The following YEATS2 variants were observed in gnomAD, a reference collection of about 807,000 sequenced individuals.
YEATS2 encodes the protein YEATS domain-containing protein 2.
A neutral mutation model predicts 163.2 loss-of-function variants in YEATS2; 77 were observed. That is an observed-to-expected ratio of 0.47 (90% CI 0.39 to 0.57). YEATS2 has a LOEUF of 0.57. Among genes scored for constraint, YEATS2 ranks in the 20% least tolerant of loss-of-function variants. YEATS2 has a pLI of 0.00. For missense variants in YEATS2, 1,549 were observed against 1,729.8 expected, an observed-to-expected ratio of 0.90 and a Z score of 1.85; for synonymous variants, 631 against 645.1, an observed-to-expected ratio of 0.98 and a Z score of 0.33.
chr3:183,724,309 T>C (rs183036535), intron 5 of YEATS2, 110 bp from the exon 6 acceptor site: 2 of 810,398 alleles, frequency 2.5e-6, no homozygotes, highest in Non-Finnish European at 3.8e-6. Flanking sequence ...AATTTTGTAA[T>C]TTTTTAAAAA....
At position 183,762,167 on chromosome 3, in the gene YEATS2, T is replaced by C; in HGVS notation, c.1835T>C (p.Leu612Pro). ...PATGAASQSP[L>P]PQYVTVKGGH... Reference sequence around the variant, plus strand: ...ACAGGAGCTGCCAGCCAGTCACCACTCCCGCAGTATGTGACTGTGAAAGGG... The same window carrying C: ...ACAGGAGCTGCCAGCCAGTCACCACCCCCGCAGTATGTGACTGTGAAAGGG... Residue 612 changes from leucine to proline, a missense_variant, in exon 15 of 31, where the codon CTC (leucine) becomes CCC (proline). Transcript: ENST00000305135. The C allele has an allele frequency of 6.2e-7, 1 of 1,614,090 alleles. No individual in the cohort carries two copies. The highest frequency in any genetic ancestry group is 1.3e-5 in the African/African-American group (1 of 75,018).
intron 1 of YEATS2, among the ~76,000 whole-genome samples, chr3:183,708,446 C>T (rs1714849182): frequency 1.3e-5 from 2 of 152,142 alleles, no homozygotes; most frequent in African/African-American, 2.4e-5. Flanking sequence ...CTCCATCTTC[C>T]CTGACTCGAG....
Position 183,754,161 on chromosome 3 carries a change from C to T in YEATS2, c.1186C>T (p.Pro396Ser). 6.2e-7 allele frequency: 1 copy of T among 1,601,740 alleles called. No individual in the cohort carries two copies. The highest frequency in any genetic ancestry group is 8.5e-7 in the Non-Finnish European group (1 of 1,170,402). The change falls in exon 11 of 31, where the codon CCG (proline) becomes TCG (serine). Residue 396 changes from proline to serine, a missense_variant. Coordinates refer to ENST00000305135, the MANE Select transcript of YEATS2 (RefSeq NM_018023.5). ...TAGCACTGAAGCTGAACGACACACTCCGTTTTATGCTTTGCCATCTTCATT... is the reference window on the plus strand; with the variant it reads ...TAGCACTGAAGCTGAACGACACACTTCGTTTTATGCTTTGCCATCTTCATT... ...PASTEAERHT[P>S]FYALPSSLER...
intron 18 of YEATS2, 75 bp downstream of exon 18, chr3:183,776,198 T>A: frequency 7.1e-7 from 1 of 1,407,128 alleles, no homozygotes; most frequent in Non-Finnish European, 9.5e-7. Context: ...TTGATTTACC[T>A]TTACGGCTCT....
At chr3:183,775,358 A>G (rs1013340641) in intron 17 of YEATS2, among the ~76,000 whole-genome samples, 2 of 152,116 alleles carry the variant, frequency 1.3e-5, no homozygotes, top group Non-Finnish European at 2.9e-5. Context: ...AGCACTTTGG[A>G]GGGCCAAGGC....
At chr3:183,799,066 C>A in intron 23 of YEATS2, 77 bp downstream of exon 23, 1 of 1,114,594 alleles carries the variant, frequency 9.0e-7, no homozygotes, top group African/African-American at 1.5e-5. Flanking sequence ...CTCCTGATGT[C>A]CAGAAGCTTT....
intron 8 of YEATS2, among the ~76,000 whole-genome samples, chr3:183,743,837 T>C (rs1275906840): frequency 3.3e-5 from 5 of 152,202 alleles, no homozygotes. Context: ...TAACTGAAGC[T>C]GAGTATATCT....
At position 183,705,002 on chromosome 3, in the gene YEATS2, T is replaced by C. The variant is rs1322853419; in HGVS notation, c.-20+7009T>C. 2.6e-5 allele frequency among the ~76,000 whole-genome samples: 4 copies of C among 152,298 alleles called. No homozygotes were observed. In the East Asian group the frequency reaches 7.7e-4, roughly 29 times the overall value. On this transcript the variant is annotated intron_variant, in intron 1 of 30. Transcript: ENST00000305135. The stretch of plus-strand genomic sequence containing the variant: ...CAGAGTTGTGTGTATTTGTTAATTC[T>C]GGCTTGTTAATTACCAGATATATAT...
chr3:183,807,856 C>A, intron 28 of YEATS2, 174 bp from the exon 29 acceptor site: 2 of 552,444 alleles, frequency 3.6e-6, no homozygotes, highest in Non-Finnish European at 6.5e-6. Context: ...AACAAGATAA[C>A]ATTCTTCTAG....
intron 1 of YEATS2, among the ~76,000 whole-genome samples, chr3:183,711,061 T>A (rs976732332): frequency 6.6e-6 from 1 of 152,048 alleles, no homozygotes; most frequent in African/African-American, 2.4e-5. Context: ...TTAAGTTTAT[T>A]TTTTTTTAAA....
chr3:183,706,740 C>T (rs1051118152), intron 1 of YEATS2, among the ~76,000 whole-genome samples: 41 of 152,130 alleles, frequency 2.7e-4, no homozygotes, highest in Admixed American at 2.2e-3. Flanking sequence ...CGCTTGAACC[C>T]GGGAGGCGGA....
chr3:183,752,045 T>G (rs533457790), intron 9 of YEATS2, 28 bp from the exon 10 acceptor site: 10 of 1,612,658 alleles, frequency 6.2e-6, no homozygotes, highest in Non-Finnish European at 8.5e-6. Context: ...GATGGACTCA[T>G]GAGCCTGATT....
In YEATS2 at chr3:183,772,371, G is replaced by A; in HGVS notation, c.2014G>A (p.Gly672Ser). The A allele has an allele frequency of 6.2e-7, 1 of 1,614,202 alleles. No individual in the cohort carries two copies. The highest frequency in any genetic ancestry group is 8.5e-7 in the Non-Finnish European group (1 of 1,180,042). Residue 672 changes from glycine (G) to serine (S), a missense_variant, in exon 16 of 31, where the codon GGC becomes AGC. Coordinates refer to ENST00000305135, the MANE Select transcript of YEATS2 (RefSeq NM_018023.5). ...GAAGCAGGCTGTGGCGATCAGTGGTGGCCAGATCCTGGTAGCCAAGGCCAG... is the reference window on the plus strand; with the variant it reads ...GAAGCAGGCTGTGGCGATCAGTGGTAGCCAGATCCTGGTAGCCAAGGCCAG... Reference protein sequence around the residue: ...TVKQAVAISGGQILVAKASSS... With the variant: ...TVKQAVAISGSQILVAKASSS...
chr3:183,718,500 C>T lies in YEATS2; in HGVS notation c.199C>T (p.Arg67Ter), dbSNP rs773329589. Residue 67 changes from arginine (R) to a stop codon, truncating the protein, a stop_gained and splice_region_variant, in exon 4 of 31, where the codon CGA becomes TGA. Coordinates refer to ENST00000305135, the MANE Select transcript of YEATS2 (RefSeq NM_018023.5). LOFTEE classifies it high-confidence loss of function. Reference protein sequence around the residue: ...KEHEIEVIDQRLIEARRMMDK... With the variant: ...KEHEIEVIDQ ...GTAATGAGTTAACATTTGTTTTTAG[C>T]GACTGATTGAAGCAAGAAGGATGAT... 3 of 1,608,238 alleles carry T rather than the reference C, an allele frequency of 1.9e-6. No individual in the cohort carries two copies. Among genetic ancestry groups the T allele is most frequent in the East Asian group, 2.2e-5 (1 of 44,582 alleles).
chr3:183,701,182 C>T (rs1036099853), intron 1 of YEATS2, among the ~76,000 whole-genome samples: 4 of 148,482 alleles, frequency 2.7e-5, no homozygotes, highest in African/African-American at 1.0e-4. Flanking sequence ...CCCGGGTTCA[C>T]GCCTTTTCCT....
intron 11 of YEATS2, among the ~76,000 whole-genome samples, chr3:183,755,705 T>A (rs557951463): frequency 6.7e-6 from 1 of 150,368 alleles, no homozygotes. Flanking sequence ...GGTTCTTAAA[T>A]CTAGCTGTTT....
chr3:183,754,719 T>TA (rs1449124666), intron 11 of YEATS2, among the ~76,000 whole-genome samples: 1 of 152,208 alleles, frequency 6.6e-6, no homozygotes, highest in Non-Finnish European at 1.5e-5. Context: ...AGAAAAAATT[T>TA]AGAGGCCTTT....
In YEATS2 at chr3:183,809,317, G is replaced by T. The variant is rs922746294; in HGVS notation, c.4160+147G>T. On this transcript the variant is annotated intron_variant, in intron 30 of 30. Coordinates refer to ENST00000305135, the MANE Select transcript of YEATS2 (RefSeq NM_018023.5). ...ACTCTTAGAGCCAGATGAGCTCAAG[G>T]GTCTGCTTTGTCATTTTTAGAGAAC... 22 of 747,730 alleles carry T rather than the reference G, an allele frequency of 2.9e-5. No homozygotes were observed. In the African/African-American group the frequency reaches 3.6e-4, roughly 12 times the overall value. The allele number at this position is 747,730 out of a possible 1,614,324, so 46.3% of individuals were successfully genotyped here. A position where few individuals can be genotyped will look rare whatever the true frequency, so the allele number is the denominator to read the frequency against.
intron 6 of YEATS2, among the ~76,000 whole-genome samples, chr3:183,727,802 C>G (rs888674168): frequency 6.6e-6 from 1 of 152,136 alleles, no homozygotes; most frequent in Admixed American, 6.5e-5. Context: ...TCTTGGCAAC[C>G]ATGAGAGTCA....
Sources: allele counts gnomAD v4.1 joint callset (sites outside exome capture counted in the v4.1 genomes callset), GRCh38; gene constraint gnomAD v4.1.1; transcripts MANE v1.5; gene names NCBI Gene and HGNC (gene_info 2026-07-23, HGNC 2026-07-21).